AFF1: variants seen among roughly 807,000 people sequenced by gnomAD.
The protein encoded by AFF1 is ALF transcription elongation factor 1.
A neutral mutation model predicts 121.7 loss-of-function variants in AFF1; 48 were observed. The observed-to-expected ratio is 0.39, with a 90% CI of 0.31 to 0.50. The LOEUF is 0.50. Ranked by LOEUF, AFF1 falls within the 20% of genes least tolerant of loss-of-function variation. AFF1 has a pLI of 0.76. For missense variants in AFF1, 1,523 were observed against 1,511.7 expected (o/e 1.01, Z -0.12); for synonymous variants, 613 against 563.0 (o/e 1.09, Z -1.26).
rs17012494 is a variant in AFF1, at chr4:87,137,229, C to T, written c.*1528C>T. On this transcript the variant is annotated 3_prime_UTR_variant, in exon 21 of 21. Coordinates refer to ENST00000395146, the MANE Select transcript of AFF1 (RefSeq NM_001166693.3). ...AGTGTCATCTCTATAACTTTTTCTCCGCCTTTGTCCCATTCTGCCCCTGTA... is the reference window on the plus strand; with the variant it reads ...AGTGTCATCTCTATAACTTTTTCTCTGCCTTTGTCCCATTCTGCCCCTGTA... 5.5e-3 allele frequency: 1,253 copies of T among 228,054 alleles called. 19 individuals are homozygous for T. The highest frequency in any genetic ancestry group is 0.024 in the African/African-American group (1,098 of 45,154). The allele number at this position is 228,054 out of a possible 1,614,324, so 14.1% of individuals were successfully genotyped here.
intron 2 of AFF1, among the ~76,000 whole-genome samples, chr4:87,036,191 T>A (rs1331149237): frequency 1.3e-5 from 2 of 152,186 alleles, no homozygotes; most frequent in African/African-American, 2.4e-5. Context: ...TATCTCAGGT[T>A]AAAAAAATTG....
intron 2 of AFF1, among the ~76,000 whole-genome samples, chr4:86,989,922 A>G (rs1724567434): frequency 6.6e-6 from 1 of 152,162 alleles, no homozygotes; most frequent in South Asian, 2.1e-4. Flanking sequence ...AAACTATCAC[A>G]AGGACAGAAA....
intron 19 of AFF1, among the ~76,000 whole-genome samples, chr4:87,134,065 G>A (rs533698192): frequency 2.4e-4 from 37 of 152,350 alleles, no homozygotes; most frequent in African/African-American, 7.2e-4. Flanking sequence ...GTGGCAGAAA[G>A]GAAGCTGTGA....
rs1034338969 is a variant in AFF1, at chr4:87,131,929, G to T, written c.3173+65G>T. 8 of 1,356,948 alleles carry T rather than the reference G, an allele frequency of 5.9e-6. No individual in the cohort carries two copies. In the African/African-American group the frequency reaches 9.0e-5, roughly 15 times the overall value. 84.1% of individuals were successfully genotyped at this position (1,356,948 alleles called of 1,614,324 possible). On this transcript the variant is annotated intron_variant, in intron 18 of 20. Transcript: ENST00000395146. The stretch of plus-strand genomic sequence containing the variant: ...TTTGCATCTGTTGATGTTACAAAAA[G>T]ATTCTGAAATTTGTTTTCTTAATGT...
intron 2 of AFF1, among the ~76,000 whole-genome samples, chr4:86,989,956 C>T (rs971022440): frequency 6.6e-6 from 1 of 152,108 alleles, no homozygotes; most frequent in African/African-American, 2.4e-5. Flanking sequence ...TGTTCTCACT[C>T]ATCAGTGGGA....
At chr4:87,089,962 C>T in intron 5 of AFF1, 22 bp from the exon 6 acceptor site, 3 of 1,586,748 alleles carry the variant, frequency 1.9e-6, no homozygotes, top group Non-Finnish European at 2.6e-6. Context: ...ACTTTTTCTT[C>T]CCTTTCCAAA....
chr4:87,058,114 T>C (rs953761989), intron 4 of AFF1, among the ~76,000 whole-genome samples: 5 of 152,228 alleles, frequency 3.3e-5, no homozygotes, highest in Admixed American at 3.3e-4. Flanking sequence ...GAGTTAAGTA[T>C]GGCAGTTGGC....
Position 87,126,170 on chromosome 4 carries a change from A to G in AFF1, c.2645A>G (p.Gln882Arg), listed in dbSNP as rs1728223577. The change falls in exon 14 of 21, where the codon CAG becomes CGG. Residue 882 changes from glutamine (Q) to arginine (R), a missense_variant. Gln to Arg is a conservative substitution (Grantham distance 43). Around this residue, in one of 5 missense-constraint regions of AFF1, gnomAD observed 905 missense variants for 842.5 expected, o/e 1.07. Transcript: ENST00000395146. The part of the protein sequence containing the change: ...LPPPPVSSSS[Q>R]KPAKPALKRS... ...CCGCCACCCGTGTCCTCGTCCTCCC[A>G]GAAGCCAGCCAAGCCTGCACTTAAG... 3 of 1,614,026 alleles carry G rather than the reference A, an allele frequency of 1.9e-6. No individual in the cohort carries two copies. The highest frequency in any genetic ancestry group is 1.7e-5 in the Admixed American group (1 of 59,994).
At chr4:86,941,632 A>G (rs1720466565) in intron 1 of AFF1, among the ~76,000 whole-genome samples, 1 of 152,106 alleles carries the variant, frequency 6.6e-6, no homozygotes, top group African/African-American at 2.4e-5. Flanking sequence ...AGCGTGGGCA[A>G]TAGAGCAAGA....
At chr4:87,083,858 G>A (rs1255349240) in intron 4 of AFF1, among the ~76,000 whole-genome samples, 1 of 152,028 alleles carries the variant, frequency 6.6e-6, no homozygotes, top group East Asian at 1.9e-4. Flanking sequence ...CACCTCCCTG[G>A]CTCATGTGAT....
chr4:87,016,405 G>A (rs2149548066), intron 2 of AFF1, among the ~76,000 whole-genome samples: 1 of 151,842 alleles, frequency 6.6e-6, no homozygotes, highest in South Asian at 2.1e-4. Context: ...AAAAAAATTA[G>A]CCAGACGTGG....
At chr4:87,001,206 A>ATTTT (rs1725687669) in intron 2 of AFF1, among the ~76,000 whole-genome samples, 4 of 24,018 alleles carry the variant, frequency 1.7e-4, no homozygotes, top group Non-Finnish European at 2.4e-4. Context: ...TCCTTTTTCT[A>ATTTT]CTTTTTTTTT....
intron 2 of AFF1, among the ~76,000 whole-genome samples, chr4:87,016,208 A>G (rs1388962170): frequency 1.3e-5 from 2 of 151,984 alleles, no homozygotes; most frequent in East Asian, 3.9e-4. Flanking sequence ...GAAAGAGGGA[A>G]GAGGGGAATA....
intron 4 of AFF1, among the ~76,000 whole-genome samples, chr4:87,065,161 T>C (rs949505481): frequency 6.6e-6 from 1 of 152,226 alleles, no homozygotes. Flanking sequence ...GAAAGAGGTT[T>C]AGTGGAGAAC....
rs146829968 is a variant in AFF1 at position 87,047,070 on chromosome 4, A to G, written c.535A>G (p.Ser179Gly). 13 of 1,614,192 alleles carry G rather than the reference A, an allele frequency of 8.1e-6. No homozygotes were observed. Among genetic ancestry groups the G allele is most frequent in the South Asian group, 5.5e-5 (5 of 91,080 alleles). ...DRLGQEGFGS[S>G]HHKKGDRRAD... ...CCTTGGTCAGGAGGGGTTCGGCTCT[A>G]GTCATCACAAGAAAGGTGACCGAAG... Residue 179 changes from serine (S) to glycine (G), a missense_variant, in exon 4 of 21, where the codon AGT becomes GGT. Coordinates refer to ENST00000395146, the MANE Select transcript of AFF1 (RefSeq NM_001166693.3).
chr4:87,014,263 A>G (rs1251692847), intron 2 of AFF1, among the ~76,000 whole-genome samples: 5 of 152,300 alleles, frequency 3.3e-5, no homozygotes, highest in African/African-American at 4.8e-5. Context: ...CTCCCCAGTT[A>G]GAGTTAACTG....
rs1434291124 is a variant in AFF1, at chr4:87,126,184, C to T, written c.2659C>T (p.Pro887Ser). Residue 887 changes from proline (P) to serine (S), a missense_variant, in exon 14 of 21, where the codon CCT becomes TCT. Pro to Ser is a moderately conservative substitution (Grantham distance 74). This residue lies in a region of AFF1 where 905 missense variants were observed against 842.5 expected (regional missense o/e 1.07). Coordinates refer to ENST00000395146, the MANE Select transcript of AFF1 (RefSeq NM_001166693.3). Reference sequence around the variant, plus strand: ...CTCGTCCTCCCAGAAGCCAGCCAAGCCTGCACTTAAGAGGTCAAGGCGGGA... The same window carrying T: ...CTCGTCCTCCCAGAAGCCAGCCAAGTCTGCACTTAAGAGGTCAAGGCGGGA... ...VSSSSQKPAK[P>S]ALKRSRREAD... 1 of 1,614,178 alleles carries T rather than the reference C, an allele frequency of 6.2e-7. No homozygotes were observed. Among genetic ancestry groups the T allele is most frequent in the Non-Finnish European group, 8.5e-7 (1 of 1,180,018 alleles).
At chr4:87,119,555 AG>A (rs1727467947) in intron 12 of AFF1, among the ~76,000 whole-genome samples, 1 of 152,222 alleles carries the variant, frequency 6.6e-6, no homozygotes, top group African/African-American at 2.4e-5. Flanking sequence ...TGGGCAACAG[AG>A]TAAGACCCTG....
intron 4 of AFF1, among the ~76,000 whole-genome samples, chr4:87,081,697 T>C (rs1723198084): frequency 6.6e-6 from 1 of 152,228 alleles, no homozygotes; most frequent in Admixed American, 6.5e-5. Flanking sequence ...ATGAAATCAC[T>C]GTTCCCCTTT....
Sources: gnomAD v4.1 joint callset for allele counts (sites outside exome capture counted in the v4.1 genomes callset) on GRCh38, gnomAD v4.1.1 for gene constraint, gnomAD v4.1.1 regional missense constraint, MANE v1.5 for transcripts, NCBI Gene and HGNC (gene_info 2026-07-23, HGNC 2026-07-21) for gene names.